FOXP2: variants seen among roughly 807,000 people sequenced by gnomAD.
The protein encoded by FOXP2 is forkhead box P2.
A neutral mutation model predicts 115.8 loss-of-function variants in FOXP2; 12 were observed. That is an observed-to-expected ratio of 0.10 (90% confidence interval 0.07 to 0.17). FOXP2 has a LOEUF of 0.17. Among genes scored for constraint, FOXP2 ranks in the 10% least tolerant of loss-of-function variants. The pLI is 1.00. For synonymous variants in FOXP2, 328 were observed against 297.7 expected, an observed-to-expected ratio of 1.10 and a Z score of -1.05; for missense variants, 629 against 843.5, an observed-to-expected ratio of 0.75 and a Z score of 3.15.
chr7:114,537,342 T>G (rs550850209), intron 3 of FOXP2, among the ~76,000 whole-genome samples: 1 of 151,690 alleles, frequency 6.6e-6, no homozygotes, highest in East Asian at 1.9e-4. Context: ...GTTCTTAATA[T>G]GTCAGGCATA....
chr7:114,341,092 T>C, intron 2 of FOXP2, among the ~76,000 whole-genome samples: 1 of 151,276 alleles, frequency 6.6e-6, no homozygotes, highest in East Asian at 1.9e-4. Context: ...TACTTAGCAC[T>C]GAATAATCGC....
intron 2 of FOXP2, among the ~76,000 whole-genome samples, chr7:114,392,024 A>G (rs766160431): frequency 6.6e-6 from 1 of 152,168 alleles, no homozygotes; most frequent in African/African-American, 2.4e-5. Flanking sequence ...CTATGTTGTC[A>G]AGATCTTTAA....
At chr7:114,374,663 C>T (rs1408524637) in intron 2 of FOXP2, among the ~76,000 whole-genome samples, 1 of 152,190 alleles carries the variant, frequency 6.6e-6, no homozygotes. Flanking sequence ...GACTTATAAT[C>T]ATTTGTGCAC....
upstream of FOXP2, among the ~76,000 whole-genome samples, chr7:114,413,926 C>A (rs2129199283): frequency 6.6e-6 from 1 of 152,180 alleles, no homozygotes; most frequent in Non-Finnish European, 1.5e-5. Context: ...TAAAGCTTGT[C>A]CACTCACGAT....
At chr7:114,145,431 T>TTTTTTCTCTTTTCTTTTC (rs1792337225) in intron 1 of FOXP2, among the ~76,000 whole-genome samples, 1 of 100,446 alleles carries the variant, frequency 1.0e-5, no homozygotes, top group Non-Finnish European at 2.2e-5. Context: ...GCTTTGCCAT[T>TTTTTTCTCTTTTCTTTTC]TTTTCTTTTC....
chr7:114,575,786 A>G (rs1309736025), intron 3 of FOXP2, among the ~76,000 whole-genome samples: 1 of 151,970 alleles, frequency 6.6e-6, no homozygotes, highest in African/African-American at 2.4e-5. Context: ...TTATAAACAT[A>G]TTAGCAGAGA....
intron 3 of FOXP2, among the ~76,000 whole-genome samples, chr7:114,564,378 G>A (rs1273153180): frequency 6.6e-6 from 1 of 151,938 alleles, no homozygotes; most frequent in Non-Finnish European, 1.5e-5. Context: ...TAATATGGGG[G>A]CTTTAAAACT....
At position 114,673,007 on chromosome 7, in the gene FOXP2, A is replaced by G. The variant is rs77314425; in HGVS notation, c.2003+8571A>G. ...AAGGAGCCAGAATGCAAGTTATTAA[A>G]TGTAATTACAGATAAACTGGAACAT... On this transcript the variant is annotated intron_variant, in intron 16 of 16. Coordinates refer to ENST00000350908, the MANE Select transcript of FOXP2 (RefSeq NM_014491.4). Among the ~76,000 whole-genome samples, 1,059 of 152,326 alleles carry G rather than the reference A, an allele frequency of 7.0e-3. 12 individuals are homozygous for G. The highest frequency in any genetic ancestry group is 0.044 in the Middle Eastern group (13 of 294).
intron 2 of FOXP2, among the ~76,000 whole-genome samples, chr7:114,360,060 T>A (rs1320395448): frequency 1.3e-5 from 2 of 152,122 alleles, no homozygotes; most frequent in African/African-American, 2.4e-5. Context: ...CCATGTGTCA[T>A]GGGAGGGATG....
At chr7:114,396,210 C>T (rs1214803549) in intron 2 of FOXP2, among the ~76,000 whole-genome samples, 1 of 151,922 alleles carries the variant, frequency 6.6e-6, no homozygotes, top group Admixed American at 6.6e-5. Flanking sequence ...TACTCTCTAT[C>T]TCCATGAATT....
At chr7:114,674,234 A>C (rs931194236) in intron 16 of FOXP2, among the ~76,000 whole-genome samples, 1 of 152,344 alleles carries the variant, frequency 6.6e-6, no homozygotes, top group East Asian at 1.9e-4. Context: ...TTATGATGAA[A>C]ATTAAAATTT....
intron 6 of FOXP2, among the ~76,000 whole-genome samples, chr7:114,635,941 C>T (rs1319485216): frequency 1.3e-5 from 2 of 152,056 alleles, no homozygotes; most frequent in Non-Finnish European, 2.9e-5. Flanking sequence ...TTCACATATC[C>T]CAGAAGTTCC....
At chr7:114,243,779 A>G (rs1795210362) in intron 1 of FOXP2, among the ~76,000 whole-genome samples, 2 of 152,244 alleles carry the variant, frequency 1.3e-5, no homozygotes, top group South Asian at 2.1e-4. Flanking sequence ...AATTCTCAGG[A>G]AAGATTAAGC....
chr7:114,432,560 T>A (rs185298259), intron 2 of FOXP2, among the ~76,000 whole-genome samples: 1 of 152,154 alleles, frequency 6.6e-6, no homozygotes, highest in Admixed American at 6.6e-5. Flanking sequence ...CATTTTTTAA[T>A]ATTTGGTTAA....
At chr7:114,310,230 G>A (rs183274954) in intron 2 of FOXP2, among the ~76,000 whole-genome samples, 6 of 152,318 alleles carry the variant, frequency 3.9e-5, no homozygotes, top group Admixed American at 3.3e-4. Context: ...GACCAATTGA[G>A]TTAGCAGCTT....
Position 114,260,177 on chromosome 7 carries a change from C to T in FOXP2, c.-101-27842C>T, listed in dbSNP as rs1795713645. 5.3e-5 allele frequency among the ~76,000 whole-genome samples: 8 copies of T among 151,122 alleles called. 1 individual carries two copies. The South Asian group carries it at 1.7e-3, about 32-fold the overall frequency. On this transcript the variant is annotated intron_variant, in intron 1 of 17. Transcript: ENST00000634411. Reference sequence around the variant, plus strand: ...AAGTGCTGGGATAACAGATGTGAGCCACTGCGCCCAGCCTTTTTTTTTTTT... The same window carrying T: ...AAGTGCTGGGATAACAGATGTGAGCTACTGCGCCCAGCCTTTTTTTTTTTT...
chr7:114,456,492 G>T (rs1430864794), intron 2 of FOXP2, among the ~76,000 whole-genome samples: 1 of 152,148 alleles, frequency 6.6e-6, no homozygotes, highest in Non-Finnish European at 1.5e-5. Flanking sequence ...GTGGTAAATA[G>T]TATTTGTCCC....
At chr7:114,640,422 G>A (rs1805459018) in intron 6 of FOXP2, among the ~76,000 whole-genome samples, 1 of 152,136 alleles carries the variant, frequency 6.6e-6, no homozygotes, top group Admixed American at 6.5e-5. Flanking sequence ...TGAAATGATA[G>A]CCTTCAGTAA....
rs12531294 is a variant in FOXP2, at chr7:114,656,279, A to G, written c.1267-1787A>G. Among the ~76,000 whole-genome samples, 5,198 of 151,458 alleles carry G rather than the reference A, an allele frequency of 0.034. 440 individuals are homozygous for G. In the East Asian group the frequency reaches 0.35, roughly 10 times the overall value. ...AATGTGCCATTTTGTTCTGGTTTGC[A>G]ATTCTAAAAGTGAATATGTAACCAT... On this transcript the variant is annotated intron_variant, in intron 10 of 16. Transcript: ENST00000350908.
Sources: gnomAD v4.1 joint callset for allele counts (sites outside exome capture counted in the v4.1 genomes callset) on GRCh38, gnomAD v4.1.1 for gene constraint, MANE v1.5 for transcripts, NCBI Gene and HGNC (gene_info 2026-07-23, HGNC 2026-07-21) for gene names.